The following GRIK1 variants were observed in gnomAD, a reference collection of about 807,000 sequenced individuals.
The protein encoded by GRIK1 is glutamate receptor ionotropic, kainate 1.
Under a neutral mutation model 105.7 loss-of-function variants are expected in GRIK1, and 69 were observed. The observed-to-expected ratio is 0.65, with a 90% CI of 0.54 to 0.80. GRIK1 has a LOEUF of 0.80. Among genes scored for constraint, GRIK1 ranks in the 30% least tolerant of loss-of-function variants. GRIK1 has a pLI of 0.00. For missense variants in GRIK1, 1,109 were observed against 1,167.3 expected (o/e 0.95, Z 0.73); for synonymous variants, 438 against 431.3 (o/e 1.02, Z -0.19).
intron 1 of GRIK1, among the ~76,000 whole-genome samples, chr21:29,930,780 T>C (rs778650444): frequency 4.6e-5 from 7 of 152,226 alleles, no homozygotes; most frequent in Non-Finnish European, 1.0e-4. Flanking sequence ...GCAACTGTTA[T>C]ATAAAGCTTA....
At chr21:29,635,791 G>T (rs2062387072) in intron 7 of GRIK1, among the ~76,000 whole-genome samples, 1 of 152,150 alleles carries the variant, frequency 6.6e-6, no homozygotes, top group Non-Finnish European at 1.5e-5. Context: ...CTGTCTAAAG[G>T]GGTCAGGAGG....
intron 1 of GRIK1, among the ~76,000 whole-genome samples, chr21:29,720,016 G>T (rs2064280985): frequency 6.6e-6 from 1 of 152,130 alleles, no homozygotes; most frequent in African/African-American, 2.4e-5. Flanking sequence ...GTAGGAAAAG[G>T]ATCCAAGCTG....
chr21:29,821,847 C>G (rs903428587), intron 1 of GRIK1, among the ~76,000 whole-genome samples: 4 of 151,966 alleles, frequency 2.6e-5, no homozygotes, highest in Non-Finnish European at 5.9e-5. Flanking sequence ...TTTTATCATA[C>G]ATTTTATGTA....
chr21:29,904,128 T>G (rs953940374), intron 1 of GRIK1, among the ~76,000 whole-genome samples: 1 of 151,938 alleles, frequency 6.6e-6, no homozygotes, highest in Non-Finnish European at 1.5e-5. Context: ...CTGTGGGGAA[T>G]GGGATGCTAG....
chr21:29,693,141 T>G (rs535882282), intron 2 of GRIK1, among the ~76,000 whole-genome samples: 33 of 152,328 alleles, frequency 2.2e-4, no homozygotes, highest in African/African-American at 7.7e-4. Flanking sequence ...ATGAGTAGCC[T>G]TTGTTTCCAC....
rs576357576 is a variant in GRIK1, at chr21:29,698,789, G to A, written c.119-4726C>T. ...CTTCTCCACCTCACCCACCATTGTC[G>A]AAGCAAAGGGTTGGAAAGTGAAAGA... On this transcript the variant is annotated intron_variant, in intron 1 of 17. Transcript: ENST00000327783. Among the ~76,000 whole-genome samples the A allele has an allele frequency of 6.6e-5, 10 of 152,140 alleles. No individual in the cohort carries two copies. In the East Asian group the frequency reaches 1.2e-3, roughly 18 times the overall value.
At chr21:29,569,390 C>T (rs1261434974) in intron 14 of GRIK1, among the ~76,000 whole-genome samples, 2 of 152,168 alleles carry the variant, frequency 1.3e-5, no homozygotes, top group South Asian at 2.1e-4. Context: ...AAGTCATCCT[C>T]AATTTATAGA....
rs56314526 is a variant in GRIK1 at position 29,560,377 on chromosome 21, C to T, written c.2356+1247G>A. 3.9e-4 allele frequency among the ~76,000 whole-genome samples: 21 copies of T among 54,088 alleles called. 2 individuals carry two copies. The highest frequency in any genetic ancestry group is 6.9e-4 in the Admixed American group (3 of 4,348). 35.5% of individuals were successfully genotyped at this position (54,088 alleles called of 152,430 possible). ...TTTCTTTTTCTTTCTTCCTTCCTTC[C>T]TTCCTTCCTTCCTTCCTTCCTTCCT... On this transcript the variant is annotated intron_variant, in intron 15 of 17. Coordinates refer to ENST00000327783, the MANE Select transcript of GRIK1 (RefSeq NM_001330994.2).
At chr21:29,850,508 C>G (rs1401848048) in intron 1 of GRIK1, among the ~76,000 whole-genome samples, 3 of 152,178 alleles carry the variant, frequency 2.0e-5, no homozygotes, top group Non-Finnish European at 4.4e-5. Flanking sequence ...CTATTCAAAG[C>G]AACAAGGACA....
intron 4 of GRIK1, among the ~76,000 whole-genome samples, chr21:29,671,629 G>A (rs921217235): frequency 6.6e-5 from 10 of 152,024 alleles, no homozygotes; most frequent in Admixed American, 2.6e-4. Context: ...GCATTCCTGC[G>A]AAGGGGTTTA....
intron 1 of GRIK1, among the ~76,000 whole-genome samples, chr21:29,788,032 T>A (rs1287457669): frequency 6.6e-6 from 1 of 152,256 alleles, no homozygotes; most frequent in East Asian, 1.9e-4. Flanking sequence ...TTCATTTATG[T>A]AATCATTTGT....
At chr21:29,541,605 G>A (rs2089973673) in intron 16 of GRIK1, among the ~76,000 whole-genome samples, 1 of 92,912 alleles carries the variant, frequency 1.1e-5, no homozygotes, top group South Asian at 3.1e-4. Flanking sequence ...TTGTGGGAGA[G>A]ATACAATGAA....
chr21:29,611,677 G>A (rs943458466), intron 7 of GRIK1, among the ~76,000 whole-genome samples: 4 of 152,116 alleles, frequency 2.6e-5, no homozygotes, highest in Admixed American at 2.0e-4. Flanking sequence ...TTCAGAACCA[G>A]TCTATCTCAT....
chr21:29,904,562 A>G (rs455761), intron 1 of GRIK1, among the ~76,000 whole-genome samples: 33,626 of 152,020 alleles, frequency 0.22, 4,243 homozygotes, highest in African/African-American at 0.34. Flanking sequence ...TCAGCCCTCA[A>G]TGACTCACGC....
At position 29,654,882 on chromosome 21, in the gene GRIK1, G is replaced by A. The variant is rs1289718872; in HGVS notation, c.727-19C>T. ...ACAGAATCTGCAAAAGAGAAATAAG[G>A]GGAAAGAATCAGGAACAGAATTATA... On this transcript the variant is annotated intron_variant, in intron 4 of 17. Coordinates refer to ENST00000327783, the MANE Select transcript of GRIK1 (RefSeq NM_001330994.2). The A allele has an allele frequency of 6.8e-7, 1 of 1,477,888 alleles. No individual in the cohort carries two copies. The highest frequency in any genetic ancestry group is 9.5e-7 in the Non-Finnish European group (1 of 1,055,946). The allele number at this position is 1,477,888 out of a possible 1,614,324, so 91.5% of individuals were successfully genotyped here. A position where few individuals can be genotyped will look rare whatever the true frequency, so the allele number is the denominator to read the frequency against.
intron 1 of GRIK1, among the ~76,000 whole-genome samples, chr21:29,789,198 A>G (rs903555885): frequency 2.0e-5 from 3 of 152,220 alleles, no homozygotes; most frequent in Non-Finnish European, 4.4e-5. Context: ...TATGACTTAG[A>G]TAAGGGTTGG....
intron 16 of GRIK1, among the ~76,000 whole-genome samples, chr21:29,554,363 CA>C (rs1231607125): frequency 1.3e-5 from 2 of 152,130 alleles, no homozygotes; most frequent in Admixed American, 1.3e-4. Context: ...TCAGCCTTTT[CA>C]AAAGAGTGTA....
At chr21:29,783,571 T>G (rs1006030792) in intron 1 of GRIK1, among the ~76,000 whole-genome samples, 1 of 152,208 alleles carries the variant, frequency 6.6e-6, no homozygotes, top group African/African-American at 2.4e-5. Context: ...TTTTATTTTT[T>G]AGCATTAAAA....
At chr21:29,683,306 C>T (rs2063417590) in intron 3 of GRIK1, among the ~76,000 whole-genome samples, 1 of 152,124 alleles carries the variant, frequency 6.6e-6, no homozygotes, top group Non-Finnish European at 1.5e-5. Context: ...AATCATTCTT[C>T]CAAAAAACCC....
Sources: allele counts gnomAD v4.1 joint callset (sites outside exome capture counted in the v4.1 genomes callset), GRCh38; gene constraint gnomAD v4.1.1; transcripts MANE v1.5; gene names NCBI Gene and HGNC (gene_info 2026-07-23, HGNC 2026-07-21).